The following DYM variants were observed in gnomAD, a reference collection of about 807,000 sequenced individuals.
DYM encodes the protein dyggve-Melchior-Clausen syndrome protein.
DYM carries 78 observed loss-of-function variants against 93.1 expected under a neutral mutation model. The ratio of observed to expected loss-of-function variants is 0.84; its 90% CI spans 0.70 to 1.01. The LOEUF is 1.01. Among genes scored for constraint, DYM ranks in the 50% least tolerant of loss-of-function variants. DYM has a pLI of 0.00. For missense variants in DYM, 789 were observed against 845.0 expected, an observed-to-expected ratio of 0.93 and a Z score of 0.82; for synonymous variants, 321 against 319.7, an observed-to-expected ratio of 1.00 and a Z score of -0.04.
intron 8 of DYM, among the ~76,000 whole-genome samples, chr18:49,320,612 T>C (rs894516160): frequency 1.3e-5 from 2 of 152,112 alleles, no homozygotes; most frequent in African/African-American, 4.8e-5. Flanking sequence ...ATAGCTGGGA[T>C]TACAGGTGCA....
intron 6 of DYM, among the ~76,000 whole-genome samples, chr18:49,338,843 G>A (rs992787594): frequency 6.6e-6 from 1 of 151,986 alleles, no homozygotes; most frequent in Non-Finnish European, 1.5e-5. Context: ...CACAAGAAAG[G>A]ACTTATTAAA....
At chr18:49,046,627 T>TA (rs1372437503) in intron 17 of DYM, among the ~76,000 whole-genome samples, 54 of 152,256 alleles carry the variant, frequency 3.5e-4, no homozygotes, top group African/African-American at 1.3e-3. Flanking sequence ...GGACCAGGTA[T>TA]AGTAGCTCAC....
At chr18:49,386,945 C>CTT (rs575238087) in intron 3 of DYM, among the ~76,000 whole-genome samples, 36 of 138,360 alleles carry the variant, frequency 2.6e-4, no homozygotes, top group East Asian at 4.2e-4. Flanking sequence ...TATTTATTTA[C>CTT]TTTTTTTTTT....
chr18:49,269,342 C>G (rs936842398), intron 11 of DYM, among the ~76,000 whole-genome samples: 1 of 152,028 alleles, frequency 6.6e-6, no homozygotes, highest in Non-Finnish European at 1.5e-5. Context: ...GAAACAGAAC[C>G]CTTACACACT....
chr18:49,423,312 G>T (rs948741989), intron 2 of DYM, among the ~76,000 whole-genome samples: 15 of 152,026 alleles, frequency 9.9e-5, no homozygotes, highest in African/African-American at 2.7e-4. Context: ...CATAACAAAA[G>T]GAAGGCAGAA....
At chr18:49,174,957 G>A (rs763498030) in intron 14 of DYM, among the ~76,000 whole-genome samples, 12 of 152,228 alleles carry the variant, frequency 7.9e-5, no homozygotes, top group East Asian at 5.8e-4. Flanking sequence ...CATCAAAGCC[G>A]ACGAAGACAG....
At chr18:49,198,430 C>T (rs1379787862) in intron 14 of DYM, among the ~76,000 whole-genome samples, 3 of 152,150 alleles carry the variant, frequency 2.0e-5, no homozygotes, top group Non-Finnish European at 2.9e-5. Flanking sequence ...AAACTACCAT[C>T]AGAGTGAACA....
chr18:49,301,083 A>T (rs1483958416), intron 8 of DYM, among the ~76,000 whole-genome samples: 1 of 152,198 alleles, frequency 6.6e-6, no homozygotes, highest in Non-Finnish European at 1.5e-5. Flanking sequence ...TTTGAAAGAA[A>T]GGGACACATG....
chr18:49,430,588 C>G, intron 1 of DYM, 141 bp from the exon 2 acceptor site: 1 of 706,474 alleles, frequency 1.4e-6, no homozygotes, highest in East Asian at 3.0e-5. Context: ...TACAAAGTTA[C>G]AAGAAATATG....
chr18:49,289,343 TGAA>T (rs1365154667), intron 8 of DYM, among the ~76,000 whole-genome samples: 1 of 119,804 alleles, frequency 8.3e-6, no homozygotes, highest in Admixed American at 9.5e-5. Context: ...AAGTAACATA[TGAA>T]GAAGCAACAT....
chr18:49,281,640 C>A lies in DYM; in HGVS notation c.1125+357G>T, dbSNP rs562147614. ...ATGCAGCCATAAAAAAGGATGGGTT[C>A]GTGTCCTTTGTAGGGACATGGATGA... On this transcript the variant is annotated intron_variant, in intron 10 of 17. Coordinates refer to ENST00000675505, the MANE Select transcript of DYM (RefSeq NM_001353214.3). Among the ~76,000 whole-genome samples, 5 of 152,278 alleles carry A rather than the reference C, an allele frequency of 3.3e-5. No individual in the cohort carries two copies. The East Asian group carries it at 9.6e-4, about 29-fold the overall frequency.
intron 14 of DYM, among the ~76,000 whole-genome samples, chr18:49,197,114 TGG>T (rs575420032): frequency 5.5e-4 from 83 of 152,200 alleles, no homozygotes; most frequent in African/African-American, 1.9e-3. Flanking sequence ...AGAGTTCTCT[TGG>T]GAGATGGGAC....
chr18:49,259,332 C>T lies in DYM; in HGVS notation c.1252-839G>A, dbSNP rs150710012. ...ACCTAAGAAAGTGATAATGCTGAAC[C>T]AAATCAAGACTCTCTTCTAATTACC... On this transcript the variant is annotated intron_variant, in intron 11 of 17. Transcript: ENST00000675505. Among the ~76,000 whole-genome samples the T allele has an allele frequency of 1.1e-3, 163 of 152,290 alleles. 1 individual carries two copies. Among genetic ancestry groups the T allele is most frequent in the Middle Eastern group, 6.8e-3 (2 of 294 alleles).
At chr18:49,119,445 T>C (rs764046376) in intron 15 of DYM, among the ~76,000 whole-genome samples, 2 of 152,214 alleles carry the variant, frequency 1.3e-5, no homozygotes, top group Non-Finnish European at 2.9e-5. Context: ...GAACATAAAA[T>C]AGTTGCCAAA....
At chr18:49,290,774 G>A (rs541870066) in intron 8 of DYM, among the ~76,000 whole-genome samples, 9 of 152,224 alleles carry the variant, frequency 5.9e-5, no homozygotes, top group South Asian at 2.1e-4. Flanking sequence ...GTGGTCATTC[G>A]TCATGGAGCA....
intron 6 of DYM, among the ~76,000 whole-genome samples, chr18:49,346,397 C>T (rs138425249): frequency 8.9e-4 from 135 of 152,266 alleles, no homozygotes; most frequent in African/African-American, 3.1e-3. Context: ...TATGATTTCA[C>T]TTGCATAAAA....
At chr18:49,145,006 G>A (rs1296691297) in intron 15 of DYM, among the ~76,000 whole-genome samples, 1 of 146,968 alleles carries the variant, frequency 6.8e-6, no homozygotes, top group Admixed American at 6.8e-5. Flanking sequence ...AGGCTGAGGC[G>A]GGAGTATTGC....
At chr18:49,078,747 A>C (rs2077529232) in intron 17 of DYM, among the ~76,000 whole-genome samples, 1 of 152,250 alleles carries the variant, frequency 6.6e-6, no homozygotes, top group South Asian at 2.1e-4. Context: ...AAGAAGGCAA[A>C]GAGAATGGAA....
At chr18:49,453,932 A>G (rs530097273) in intron 1 of DYM, among the ~76,000 whole-genome samples, 1 of 152,230 alleles carries the variant, frequency 6.6e-6, no homozygotes, top group Non-Finnish European at 1.5e-5. Flanking sequence ...CCCAAATCCA[A>G]TGCCACTTAT....
Sources: allele counts gnomAD v4.1 joint callset (sites outside exome capture counted in the v4.1 genomes callset), GRCh38; gene constraint gnomAD v4.1.1; transcripts MANE v1.5; gene names NCBI Gene and HGNC (gene_info 2026-07-23, HGNC 2026-07-21).